Variants in NRXN1 observed in about 807,000 individuals in gnomAD.
The protein encoded by NRXN1 is neurexin-1.
In NRXN1, 39 loss-of-function variants were observed where a neutral mutation model predicts 150.9. The observed-to-expected ratio is 0.26, with a 90% confidence interval of 0.20 to 0.34. NRXN1 has a LOEUF of 0.34. Among genes scored for constraint, NRXN1 ranks in the 10% least tolerant of loss-of-function variants. The pLI is 1.00. For synonymous variants in NRXN1, 924 were observed against 757.0 expected (o/e 1.22, Z -3.62); for missense variants, 1,815 against 1,949.9 (o/e 0.93, Z 1.30).
intron 2 of NRXN1, among the ~76,000 whole-genome samples, chr2:50,945,846 C>G (rs767709443): frequency 6.7e-6 from 1 of 148,784 alleles, no homozygotes; most frequent in South Asian, 2.1e-4. Context: ...AAACAAGTGA[C>G]TCCAAAATAT....
intron 17 of NRXN1, among the ~76,000 whole-genome samples, chr2:50,393,862 C>G (rs2081895826): frequency 6.6e-6 from 1 of 151,990 alleles, no homozygotes; most frequent in Admixed American, 6.6e-5. Context: ...CAAATAAACC[C>G]AAGACATTTT....
chr2:50,566,498 G>A (rs138383338), intron 8 of NRXN1, among the ~76,000 whole-genome samples: 67 of 147,916 alleles, frequency 4.5e-4, no homozygotes, highest in African/African-American at 1.6e-3. Context: ...CTGGTGATCC[G>A]CCTGCCTCAG....
chr2:49,940,238 A>G (rs1262899825), intron 22 of NRXN1, among the ~76,000 whole-genome samples: 1 of 152,220 alleles, frequency 6.6e-6, no homozygotes, highest in Non-Finnish European at 1.5e-5. Context: ...TCACTTGCCC[A>G]AGGACTAGCA....
At chr2:50,626,518 T>C (rs1391099230) in intron 5 of NRXN1, among the ~76,000 whole-genome samples, 2 of 151,966 alleles carry the variant, frequency 1.3e-5, no homozygotes, top group African/African-American at 4.8e-5. Flanking sequence ...CAGATAAGTG[T>C]GCAAAAGATA....
At chr2:50,903,895 C>A (rs1683294893) in intron 5 of NRXN1, among the ~76,000 whole-genome samples, 1 of 152,154 alleles carries the variant, frequency 6.6e-6, no homozygotes, top group Non-Finnish European at 1.5e-5. Context: ...GAAACGCCGG[C>A]TGTAGCCCTG....
At chr2:50,963,404 G>T (rs1050167510) in intron 2 of NRXN1, among the ~76,000 whole-genome samples, 1 of 151,010 alleles carries the variant, frequency 6.6e-6, no homozygotes, top group Non-Finnish European at 1.5e-5. Context: ...TTCTATACTG[G>T]TCAAATGGAC....
At chr2:49,957,455 C>T (rs1475587838) in intron 21 of NRXN1, among the ~76,000 whole-genome samples, 1 of 152,120 alleles carries the variant, frequency 6.6e-6, no homozygotes, top group Non-Finnish European at 1.5e-5. Flanking sequence ...TTATTCCTAG[C>T]ACTGGACTCC....
At chr2:50,397,219 G>C (rs2082106756) in intron 17 of NRXN1, among the ~76,000 whole-genome samples, 1 of 152,066 alleles carries the variant, frequency 6.6e-6, no homozygotes, top group Non-Finnish European at 1.5e-5. Flanking sequence ...CACCGCAAAG[G>C]ACATGAGAAA....
chr2:50,625,769 A>G (rs1329934451), intron 5 of NRXN1, among the ~76,000 whole-genome samples: 3 of 152,102 alleles, frequency 2.0e-5, no homozygotes, highest in Non-Finnish European at 4.4e-5. Flanking sequence ...GGTTAGAGAT[A>G]CCAATCTTTC....
Position 50,219,955 on chromosome 2 carries a change from T to TTATATA in NRXN1, c.3546+16833_3546+16834insTATATA, listed in dbSNP as rs1559115514. On this transcript the variant is annotated intron_variant, in intron 18 of 22. Transcript: ENST00000401669. ...TATATATTATATATTATATATATAA[T>TTATATA]ATATATATTATATATATATAATATA... Among the ~76,000 whole-genome samples, 568 of 60,198 alleles carry TTATATA rather than the reference T, an allele frequency of 9.4e-3. 9 individuals are homozygous for TTATATA. Among genetic ancestry groups the TTATATA allele is most frequent in the African/African-American group, 0.064 (549 of 8,532 alleles). The allele number at this position is 60,198 out of a possible 152,430, so 39.5% of individuals were successfully genotyped here.
intron 5 of NRXN1, among the ~76,000 whole-genome samples, chr2:50,649,189 G>A (rs1274379971): frequency 8.4e-6 from 1 of 119,290 alleles, no homozygotes; most frequent in Non-Finnish European, 1.8e-5. Context: ...TTATGTATTA[G>A]TTGGGAGGTT....
At chr2:50,728,862 T>C (rs1015001637) in intron 5 of NRXN1, among the ~76,000 whole-genome samples, 2 of 152,214 alleles carry the variant, frequency 1.3e-5, no homozygotes, top group African/African-American at 4.8e-5. Context: ...ATTATAGAGC[T>C]AGTGTATTTA....
intron 18 of NRXN1, among the ~76,000 whole-genome samples, chr2:50,137,139 G>C (rs1706539588): frequency 6.6e-6 from 1 of 152,052 alleles, no homozygotes; most frequent in Non-Finnish European, 1.5e-5. Flanking sequence ...AAGTAGCTCA[G>C]AGTAATCATT....
intron 18 of NRXN1, among the ~76,000 whole-genome samples, chr2:50,118,301 T>C (rs1167718383): frequency 6.6e-6 from 1 of 152,186 alleles, no homozygotes; most frequent in Non-Finnish European, 1.5e-5. Context: ...CAGGTGATGC[T>C]GATGCCGCCA....
intron 8 of NRXN1, among the ~76,000 whole-genome samples, chr2:50,561,415 C>T (rs906349015): frequency 1.3e-5 from 2 of 152,160 alleles, no homozygotes; most frequent in African/African-American, 4.8e-5. Context: ...TTTTGAAATA[C>T]AAACTGCAAA....
intron 12 of NRXN1, among the ~76,000 whole-genome samples, chr2:50,507,629 G>A (rs1471981691): frequency 1.1e-4 from 8 of 74,948 alleles, no homozygotes; most frequent in Admixed American, 1.8e-4. Context: ...GACTATATCC[G>A]TCACCTCAAA....
At chr2:50,597,150 T>C (rs766712523) in intron 8 of NRXN1, among the ~76,000 whole-genome samples, 3 of 152,058 alleles carry the variant, frequency 2.0e-5, no homozygotes, top group Non-Finnish European at 2.9e-5. Flanking sequence ...CGGTGGGACA[T>C]GCTTCTTAAT....
intron 2 of NRXN1, among the ~76,000 whole-genome samples, chr2:50,948,961 C>T (rs1394252598): frequency 6.6e-6 from 1 of 151,862 alleles, no homozygotes; most frequent in African/African-American, 2.4e-5. Context: ...TGGTGGAATA[C>T]ACCAAAATAA....
At chr2:50,918,783 GA>G (rs149065379) in intron 5 of NRXN1, 6,947 of 288,568 alleles carry the variant, frequency 0.024, 98 homozygotes, top group Non-Finnish European at 0.033. Flanking sequence ...ATAGAAAGGA[GA>G]ATAAAATTAG....
Sources: allele counts gnomAD v4.1 joint callset (sites outside exome capture counted in the v4.1 genomes callset), GRCh38; gene constraint gnomAD v4.1.1; transcripts MANE v1.5; gene names NCBI Gene and HGNC (gene_info 2026-07-23, HGNC 2026-07-21).